AGBL1: variants seen among roughly 807,000 people sequenced by gnomAD.
AGBL1 encodes cytosolic carboxypeptidase 4.
A neutral mutation model predicts 118.9 loss-of-function variants in AGBL1; 130 were observed. That is an observed-to-expected ratio of 1.09 (90% CI 0.95 to 1.26). The LOEUF is 1.26. Among genes scored for constraint, AGBL1 ranks in the 50% most tolerant of loss-of-function variants. AGBL1 has a pLI of 0.00. For synonymous variants in AGBL1, 555 were observed against 478.9 expected (o/e 1.16, Z -2.08); for missense variants, 1,584 against 1,298.1 (o/e 1.22, Z -3.38).
intron 1 of AGBL1, among the ~76,000 whole-genome samples, chr15:86,125,920 A>G (rs573904509): frequency 6.6e-6 from 1 of 152,344 alleles, no homozygotes; most frequent in South Asian, 2.1e-4. Flanking sequence ...GCAATTAGAG[A>G]AGAGAAGCCT....
chr15:86,349,101 A>G (rs1246347338), intron 17 of AGBL1, among the ~76,000 whole-genome samples: 1 of 152,208 alleles, frequency 6.6e-6, no homozygotes, highest in Non-Finnish European at 1.5e-5. Context: ...AAGCATGCCA[A>G]AGGTTGCCAA....
intron 24 of AGBL1, among the ~76,000 whole-genome samples, chr15:86,994,297 A>AT (rs2081359399): frequency 6.7e-6 from 1 of 148,226 alleles, no homozygotes; most frequent in East Asian, 1.9e-4. Flanking sequence ...CAACAAGGGA[A>AT]TATCTCTCTC....
Position 86,284,190 on chromosome 15 carries a change from AT to A in AGBL1, c.2220+4408del, listed in dbSNP as rs778607711. Among the ~76,000 whole-genome samples, 436 of 97,612 alleles carry A rather than the reference AT, an allele frequency of 4.5e-3. 1 individual carries two copies. The highest frequency in any genetic ancestry group is 6.9e-3 in the Non-Finnish European group (288 of 41,964). The allele number at this position is 97,612 out of a possible 152,430, so 64.0% of individuals were successfully genotyped here. On this transcript the variant is annotated intron_variant, in intron 16 of 22. Coordinates refer to ENST00000614907, the MANE Select transcript of AGBL1 (RefSeq NM_001386094.1). ...TTCCATAATTCATACTAAAATTAAAATAAAAAAAAAAAAACAAATGGAAGAC... is the reference window on the plus strand; with the variant it reads ...TTCCATAATTCATACTAAAATTAAAAAAAAAAAAAAAAACAAATGGAAGAC...
Position 86,723,026 on chromosome 15 carries a change from A to G in AGBL1, c.3158+48590A>G, listed in dbSNP as rs577393247. On this transcript the variant is annotated intron_variant, in intron 22 of 22. Coordinates refer to ENST00000614907, the MANE Select transcript of AGBL1 (RefSeq NM_001386094.1). ...ACAACAGGTGCTGGAGAGGATGTGG[A>G]GAAATAGGAACACTTTTACACTGTT... Among the ~76,000 whole-genome samples, 612 of 152,332 alleles carry G rather than the reference A, an allele frequency of 4.0e-3. 3 individuals are homozygous for G. Among genetic ancestry groups the G allele is most frequent in the African/African-American group, 0.014 (575 of 41,584 alleles).
rs1424809961 is a variant in AGBL1 at position 86,912,448 on chromosome 15, C to A, written c.*5154C>A. 6.6e-6 allele frequency: 1 copy of A among 152,196 alleles called. No individual in the cohort carries two copies. The highest frequency in any genetic ancestry group is 1.5e-5 in the Non-Finnish European group (1 of 68,070). The allele number at this position is 152,196 out of a possible 1,614,324, so 9.4% of individuals were successfully genotyped here. ...TATCATGCCAACTTGGCTGCCTGGG[C>A]TCTCCTTGCAATCCCATCAATAAGA... On this transcript the variant is annotated 3_prime_UTR_variant, in exon 23 of 23. Coordinates refer to ENST00000614907, the MANE Select transcript of AGBL1 (RefSeq NM_001386094.1).
chr15:86,697,266 C>A (rs537057581), intron 22 of AGBL1, among the ~76,000 whole-genome samples: 1 of 151,702 alleles, frequency 6.6e-6, no homozygotes, highest in Non-Finnish European at 1.5e-5. Flanking sequence ...AACATAATCC[C>A]AAACTTCTTG....
chr15:86,826,941 T>A (rs1469855576), intron 22 of AGBL1, among the ~76,000 whole-genome samples: 1 of 151,892 alleles, frequency 6.6e-6, no homozygotes, highest in Non-Finnish European at 1.5e-5. Flanking sequence ...GTCATAGTAA[T>A]CTGGATGTCT....
At position 86,765,233 on chromosome 15, in the gene AGBL1, C is replaced by A. The variant is rs979712608; in HGVS notation, c.3158+90797C>A. On this transcript the variant is annotated intron_variant, in intron 22 of 22. Transcript: ENST00000614907. ...AAATTCCCTATGTTCAGTTTCTTTG[C>A]CTTCTTCCCCTTGCAAAAAATATGC... 4.0e-5 allele frequency among the ~76,000 whole-genome samples: 6 copies of A among 151,896 alleles called. No individual in the cohort carries two copies. In the East Asian group the frequency reaches 1.2e-3, roughly 29 times the overall value.
At chr15:86,426,758 G>A (rs1187062907) in intron 18 of AGBL1, among the ~76,000 whole-genome samples, 1 of 152,132 alleles carries the variant, frequency 6.6e-6, no homozygotes, top group Admixed American at 6.6e-5. Context: ...ACTATGTTAT[G>A]TGTTTTGCAT....
intron 21 of AGBL1, among the ~76,000 whole-genome samples, chr15:86,606,192 T>C (rs997618804): frequency 6.6e-6 from 1 of 151,106 alleles, no homozygotes; most frequent in Admixed American, 6.6e-5. Flanking sequence ...AGTTATTGAA[T>C]TAATCGGCTT....
At chr15:86,642,348 A>T (rs972041560) in intron 21 of AGBL1, among the ~76,000 whole-genome samples, 1 of 152,190 alleles carries the variant, frequency 6.6e-6, no homozygotes, top group South Asian at 2.1e-4. Context: ...TTTTCTTTTT[A>T]TGGTTAATAG....
chr15:86,356,570 T>G (rs137916875), intron 17 of AGBL1, among the ~76,000 whole-genome samples: 1 of 152,136 alleles, frequency 6.6e-6, no homozygotes, highest in East Asian at 1.9e-4. Flanking sequence ...AGCAGATGTC[T>G]TAGAGTGGAT....
At chr15:86,656,267 AATTTC>A (rs1359794395) in intron 21 of AGBL1, among the ~76,000 whole-genome samples, 1 of 152,214 alleles carries the variant, frequency 6.6e-6, no homozygotes, top group Admixed American at 6.5e-5. Context: ...TACAATATTA[AATTTC>A]ATTTGGATTA....
chr15:86,418,822 C>A (rs115993432), intron 18 of AGBL1, among the ~76,000 whole-genome samples: 2 of 152,036 alleles, frequency 1.3e-5, no homozygotes, highest in African/African-American at 4.8e-5. Context: ...TCATGCTTGT[C>A]GGGATGATTT....
chr15:86,968,538 T>C (rs1425603664), intron 23 of AGBL1, among the ~76,000 whole-genome samples: 1 of 151,890 alleles, frequency 6.6e-6, no homozygotes, highest in African/African-American at 2.4e-5. Context: ...ATTAAGACTC[T>C]TGGAAGCAAA....
chr15:86,428,575 A>T (rs1456976985), intron 18 of AGBL1, among the ~76,000 whole-genome samples: 1 of 152,144 alleles, frequency 6.6e-6, no homozygotes, highest in Non-Finnish European at 1.5e-5. Flanking sequence ...TTATTTTATG[A>T]GTTGATTTGA....
intron 24 of AGBL1, among the ~76,000 whole-genome samples, chr15:86,991,554 A>G (rs1367415046): frequency 6.6e-6 from 1 of 152,172 alleles, no homozygotes; most frequent in Non-Finnish European, 1.5e-5. Context: ...ATCCATAAGG[A>G]TGATCTAGGC....
At chr15:87,010,331 A>ATAAT (rs1488691456) in intron 24 of AGBL1, among the ~76,000 whole-genome samples, 1 of 152,156 alleles carries the variant, frequency 6.6e-6, no homozygotes, top group African/African-American at 2.4e-5. Flanking sequence ...GCCTTCTGCC[A>ATAAT]TAATTGTCAG....
At chr15:86,193,418 T>G (rs1287892166) in intron 5 of AGBL1, among the ~76,000 whole-genome samples, 1 of 152,192 alleles carries the variant, frequency 6.6e-6, no homozygotes, top group East Asian at 1.9e-4. Context: ...AGCCCATTTA[T>G]CCATTTTTCT....
Sources: gnomAD v4.1 joint callset for allele counts (sites outside exome capture counted in the v4.1 genomes callset) on GRCh38, gnomAD v4.1.1 for gene constraint, MANE v1.5 for transcripts, NCBI Gene and HGNC (gene_info 2026-07-23, HGNC 2026-07-21) for gene names.